IGSF3: variants seen among roughly 807,000 people sequenced by gnomAD.
IGSF3 encodes the protein glu-Trp-Ile EWI motif-containing protein 3.
In IGSF3, 23 loss-of-function variants were observed where a neutral mutation model predicts 114.4. That is an observed-to-expected ratio of 0.20 (90% confidence interval 0.14 to 0.28). IGSF3 has a LOEUF of 0.28. IGSF3 is among the 10% of genes least tolerant of loss of function. The probability of loss-of-function intolerance (pLI) is 1.00; values close to 1 mark genes in which losing one functional copy is unlikely to be tolerated. For missense variants in IGSF3, 1,172 were observed against 1,591.5 expected, an observed-to-expected ratio of 0.74 and a Z score of 4.48; for synonymous variants, 571 against 645.2, an observed-to-expected ratio of 0.88 and a Z score of 1.74.
In IGSF3 at chr1:116,600,233, C is replaced by T. The variant is rs61786568; in HGVS notation, c.1737G>A (p.Ser579=). 135 of 1,613,924 alleles carry T rather than the reference C, an allele frequency of 8.4e-5. No individual in the cohort carries two copies. The highest frequency in any genetic ancestry group is 3.1e-4 in the African/African-American group (23 of 74,942). ...CCACCGGCTGGAACCGCCATGTCAC[C>T]GACACGGGGACCCAGGCAGGGTAGT... ...KPHYPAWVPV[S]VTWRFQPVGT... is the part of the protein sequence containing the mutation. The change falls in exon 7 of 11, where the codon TCG becomes TCA. Residue 579 remains serine, a synonymous_variant. Transcript: ENST00000369486. This position sits in a 1 kb window ranked among gnomAD's most constrained non-coding sequence, Gnocchi z 5.5.
rs1649380746 is a variant in IGSF3 at position 116,667,403 on chromosome 1, C to T, written c.-631+215G>A. On this transcript the variant is annotated intron_variant, in intron 1 of 10. Coordinates refer to ENST00000369486, the MANE Select transcript of IGSF3 (RefSeq NM_001007237.3). ...TCTCGCTGATTGGAAAGAAAAGAAA[C>T]CGGGGAAGAAGGGAGTCCGGAGCTC... Among the ~76,000 whole-genome samples, 3 of 152,248 alleles carry T rather than the reference C, an allele frequency of 2.0e-5. No homozygotes were observed. The East Asian group carries it at 5.9e-4, about 30-fold the overall frequency.
In IGSF3 at chr1:116,638,792, C is replaced by G. The variant is rs4044741; in HGVS notation, c.44-22335G>C. On this transcript the variant is annotated intron_variant, in intron 2 of 10. Transcript: ENST00000369486. This position sits in a 1 kb window ranked among gnomAD's most constrained non-coding sequence, Gnocchi z 4.1. ...CTTGCCAGGCCCTCCCCTAATTGCT[C>G]TATATGTGTTACAATGTTTAACCCT... is the stretch of plus-strand genomic sequence containing the variant. Among the ~76,000 whole-genome samples the G allele has an allele frequency of 1.3e-5, 2 of 152,208 alleles. No homozygotes were observed. Among genetic ancestry groups the G allele is most frequent in the Non-Finnish European group, 2.9e-5 (2 of 68,036 alleles).
In IGSF3 at chr1:116,614,279, T is replaced by G. The variant is rs1040959458; in HGVS notation, c.422-104A>C. 2.3e-6 allele frequency: 2 copies of G among 884,692 alleles called. No homozygotes were observed. The highest frequency in any genetic ancestry group is 3.6e-6 in the Non-Finnish European group (2 of 556,832). The allele number at this position is 884,692 out of a possible 1,614,324, so 54.8% of individuals were successfully genotyped here. On this transcript the variant is annotated intron_variant, in intron 3 of 10. Coordinates refer to ENST00000369486, the MANE Select transcript of IGSF3 (RefSeq NM_001007237.3). This position sits in a 1 kb window ranked among gnomAD's most constrained non-coding sequence, Gnocchi z 4.5. ...CGCAGGCGTCACTGCACTGCGCCCC[T>G]AACAGTCATCCTTGAACCATCGATT...
In IGSF3 at chr1:116,595,763, C is replaced by T. The variant is rs1468597524; in HGVS notation, c.2029+4178G>A. 1.3e-5 allele frequency among the ~76,000 whole-genome samples: 2 copies of T among 152,180 alleles called. No homozygotes were observed. Among genetic ancestry groups the T allele is most frequent in the South Asian group, 2.1e-4 (1 of 4,830 alleles). On this transcript the variant is annotated intron_variant, in intron 7 of 10. Coordinates refer to ENST00000369486, the MANE Select transcript of IGSF3 (RefSeq NM_001007237.3). The surrounding 1 kb of genome is among the most constrained non-coding windows in gnomAD (Gnocchi z 4.2). ...ATGAGTGCTAACATTTCCCTTACTGCTTCTGTATTTAAGGATATGTAATTG... is the reference window on the plus strand; with the variant it reads ...ATGAGTGCTAACATTTCCCTTACTGTTTCTGTATTTAAGGATATGTAATTG...
At position 116,636,261 on chromosome 1, in the gene IGSF3, C is replaced by A. The variant is rs1226753441; in HGVS notation, c.44-19804G>T. Reference sequence around the variant, plus strand: ...TTTCACAGGCATCTGTTCAGCTATCCACTCTTCACGGCTTGGTTTTCATGC... The same window carrying A: ...TTTCACAGGCATCTGTTCAGCTATCAACTCTTCACGGCTTGGTTTTCATGC... On this transcript the variant is annotated intron_variant, in intron 2 of 10. Transcript: ENST00000369486. The surrounding 1 kb of genome is among the most constrained non-coding windows in gnomAD (Gnocchi z 4.5). 6.6e-6 allele frequency among the ~76,000 whole-genome samples: 1 copy of A among 152,178 alleles called. No individual in the cohort carries two copies. The highest frequency in any genetic ancestry group is 2.4e-5 in the African/African-American group (1 of 41,436).
intron 4 of IGSF3, 29 bp from the exon 5 acceptor site, chr1:116,608,360 A>G: frequency 6.3e-7 from 1 of 1,582,558 alleles, no homozygotes; most frequent in Non-Finnish European, 8.6e-7. Context: ...AAAGAGACAC[A>G]TCCTGGGTGA....
rs1358353409 is a variant in IGSF3, at chr1:116,665,555, G to A, written c.43+729C>T. On this transcript the variant is annotated intron_variant, in intron 2 of 10. Coordinates refer to ENST00000369486, the MANE Select transcript of IGSF3 (RefSeq NM_001007237.3). The surrounding 1 kb of genome is among the most constrained non-coding windows in gnomAD (Gnocchi z 4.0). ...GCCTCTTCACTGGGGTGAAGGTCCT[G>A]CATCTGCACCTTAAGAGGGGTGTCA... 6.6e-6 allele frequency among the ~76,000 whole-genome samples: 1 copy of A among 152,184 alleles called. No homozygotes were observed. The highest frequency in any genetic ancestry group is 1.5e-5 in the Non-Finnish European group (1 of 68,014).
chr1:116,601,825 G>A (rs1378152711), intron 6 of IGSF3, among the ~76,000 whole-genome samples: 2 of 152,136 alleles, frequency 1.3e-5, no homozygotes, highest in African/African-American at 4.8e-5. Flanking sequence ...TTGCATGAGG[G>A]TGGTGTAGGA....
At position 116,655,087 on chromosome 1, in the gene IGSF3, T is replaced by C. The variant is rs543000464; in HGVS notation, c.43+11197A>G. On this transcript the variant is annotated intron_variant, in intron 2 of 10. Transcript: ENST00000369486. The surrounding 1 kb of genome is among the most constrained non-coding windows in gnomAD (Gnocchi z 4.3). ...CCAATGTCACAGTGTATTTAATTAATCCTTCTATTTATTAAAGATTAAAAA... is the reference window on the plus strand; with the variant it reads ...CCAATGTCACAGTGTATTTAATTAACCCTTCTATTTATTAAAGATTAAAAA... Among the ~76,000 whole-genome samples the C allele has an allele frequency of 1.3e-5, 2 of 152,334 alleles. No homozygotes were observed. Among genetic ancestry groups the C allele is most frequent in the East Asian group, 3.9e-4 (2 of 5,190 alleles).
At position 116,634,085 on chromosome 1, in the gene IGSF3, G is replaced by C. The variant is rs984283416; in HGVS notation, c.44-17628C>G. Among the ~76,000 whole-genome samples, 1 of 152,198 alleles carries C rather than the reference G, an allele frequency of 6.6e-6. No homozygotes were observed. Among genetic ancestry groups the C allele is most frequent in the Admixed American group, 6.5e-5 (1 of 15,286 alleles). On this transcript the variant is annotated intron_variant, in intron 2 of 10. Transcript: ENST00000369486. The surrounding 1 kb of genome is among the most constrained non-coding windows in gnomAD (Gnocchi z 4.2). ...GAAAGACACACATGAAACCAGTAACGGTGATGGTCTCTGGAAGAATTAGGT... is the reference window on the plus strand; with the variant it reads ...GAAAGACACACATGAAACCAGTAACCGTGATGGTCTCTGGAAGAATTAGGT...
Position 116,612,655 on chromosome 1 carries a change from T to G in IGSF3, c.832+1110A>C, listed in dbSNP as rs371200740. Among the ~76,000 whole-genome samples the G allele has an allele frequency of 7.2e-5, 11 of 152,374 alleles. 1 individual carries two copies. In the South Asian group the frequency reaches 2.1e-3, roughly 29 times the overall value. ...TCCTGACGAAGGACCCCACCTGTACTGCAACTCACCAGGTCATTTCCCACA... is the reference window on the plus strand; with the variant it reads ...TCCTGACGAAGGACCCCACCTGTACGGCAACTCACCAGGTCATTTCCCACA... On this transcript the variant is annotated intron_variant, in intron 4 of 10. Transcript: ENST00000369486. The surrounding 1 kb of genome is among the most constrained non-coding windows in gnomAD (Gnocchi z 4.1).
rs1047078668 is a variant in IGSF3 at position 116,577,069 on chromosome 1, A to C, written c.*243T>G. The stretch of plus-strand genomic sequence containing the variant: ...TGGAGCTACTCACTACATTACTAAA[A>C]ACAGAAACAAGAAATCTATAATGGC... On this transcript the variant is annotated 3_prime_UTR_variant, in exon 11 of 11. Coordinates refer to ENST00000369486, the MANE Select transcript of IGSF3 (RefSeq NM_001007237.3). This position sits in a 1 kb window ranked among gnomAD's most constrained non-coding sequence, Gnocchi z 5.7. 1 of 518,490 alleles carries C rather than the reference A, an allele frequency of 1.9e-6. No individual in the cohort carries two copies. 32.1% of individuals were successfully genotyped at this position (518,490 alleles called of 1,614,324 possible).
Position 116,632,831 on chromosome 1 carries a change from AG to A in IGSF3, c.44-16375del, listed in dbSNP as rs575466854. ...GAAACAAGTGGGGCCACAGAGAGAA[AG>A]GGGTTTTGAAAAAGTTCTAAATCTC... On this transcript the variant is annotated intron_variant, in intron 2 of 10. Transcript: ENST00000369486. This position sits in a 1 kb window ranked among gnomAD's most constrained non-coding sequence, Gnocchi z 5.1. Among the ~76,000 whole-genome samples the A allele has an allele frequency of 6.6e-6, 1 of 152,202 alleles. No homozygotes were observed.
chr1:116,586,165 T>G (rs1330676073), intron 8 of IGSF3, among the ~76,000 whole-genome samples: 1 of 152,222 alleles, frequency 6.6e-6, no homozygotes, highest in Non-Finnish European at 1.5e-5. Flanking sequence ...ACTCATTACT[T>G]TCTACACACT....
At chr1:116,658,844 G>C (rs1648991379) in intron 2 of IGSF3, among the ~76,000 whole-genome samples, 1 of 152,194 alleles carries the variant, frequency 6.6e-6, no homozygotes, top group South Asian at 2.1e-4. Flanking sequence ...AACACATCCT[G>C]TCAGTGTCCT....
intron 2 of IGSF3, among the ~76,000 whole-genome samples, chr1:116,630,945 G>A (rs1647545406): frequency 6.6e-6 from 1 of 152,092 alleles, no homozygotes; most frequent in South Asian, 2.1e-4. Context: ...TGGGTGGTAG[G>A]GTCCATGAAA....
rs1287750176 is a variant in IGSF3, at chr1:116,582,425, A to T, written c.2848+2220T>A. ...CCTTCCCCAGTTGTGTGAGCCCAAC[A>T]CAACTACTAATCGACTCATCTGCAA... is the stretch of plus-strand genomic sequence containing the variant. On this transcript the variant is annotated intron_variant, in intron 9 of 10. Coordinates refer to ENST00000369486, the MANE Select transcript of IGSF3 (RefSeq NM_001007237.3). The surrounding 1 kb of genome is among the most constrained non-coding windows in gnomAD (Gnocchi z 4.7). Among the ~76,000 whole-genome samples, 1 of 152,234 alleles carries T rather than the reference A, an allele frequency of 6.6e-6. No homozygotes were observed. Among genetic ancestry groups the T allele is most frequent in the Non-Finnish European group, 1.5e-5 (1 of 68,040 alleles).
Position 116,584,874 on chromosome 1 carries a change from G to A in IGSF3, c.2619C>T (p.Asp873=), listed in dbSNP as rs756309903. ...ERETVARLSR[D]ATFHYGEQAA... ...CCTGCTCTCCATAGTGGAAGGTGGC[G>A]TCACGGCTCAAGCGGGCCACAGTCT... Residue 873 remains aspartate (D), a synonymous_variant, in exon 9 of 11, where the codon GAC becomes GAT. Transcript: ENST00000369486. This position sits in a 1 kb window ranked among gnomAD's most constrained non-coding sequence, Gnocchi z 5.8. 1.6e-5 allele frequency: 26 copies of A among 1,614,228 alleles called. No individual in the cohort carries two copies. The highest frequency in any genetic ancestry group is 8.3e-5 in the Admixed American group (5 of 60,036).
rs1454119146 is a variant in IGSF3, at chr1:116,612,445, A to G, written c.832+1320T>C. Among the ~76,000 whole-genome samples the G allele has an allele frequency of 2.0e-5, 3 of 152,176 alleles. No individual in the cohort carries two copies. Among genetic ancestry groups the G allele is most frequent in the Non-Finnish European group, 4.4e-5 (3 of 68,034 alleles). On this transcript the variant is annotated intron_variant, in intron 4 of 10. Transcript: ENST00000369486. This position sits in a 1 kb window ranked among gnomAD's most constrained non-coding sequence, Gnocchi z 4.1. The stretch of plus-strand genomic sequence containing the variant: ...TAGATAGCAGAAGAATCACCTGGGA[A>G]GCGTGCCGGAAATCCAGCTTCCCAG...
Sources: gnomAD v4.1 joint callset for allele counts (sites outside exome capture counted in the v4.1 genomes callset) on GRCh38, gnomAD v4.1.1 for gene constraint, Gnocchi (gnomAD v3.1) non-coding constraint, MANE v1.5 for transcripts, NCBI Gene and HGNC (gene_info 2026-07-23, HGNC 2026-07-21) for gene names.